Variants in SLC7A2 observed in about 807,000 individuals in gnomAD.
The protein encoded by SLC7A2 is solute carrier family 7 member 2.
SLC7A2 carries 48 observed loss-of-function variants against 58.9 expected under a neutral mutation model. The ratio of observed to expected loss-of-function variants is 0.82; its 90% CI spans 0.65 to 1.04. SLC7A2 has a LOEUF of 1.04. SLC7A2 is among the 50% of genes least tolerant of loss of function. The pLI is 0.00. For missense variants in SLC7A2, 1,029 were observed against 818.8 expected (o/e 1.26, Z -3.13); for synonymous variants, 363 against 314.5 (o/e 1.15, Z -1.63).
chr8:17,502,562 C>T (rs948648638), intron 2 of SLC7A2, among the ~76,000 whole-genome samples: 6 of 152,188 alleles, frequency 3.9e-5, no homozygotes, highest in Non-Finnish European at 5.9e-5. Context: ...CATGAAGTTA[C>T]GGAGTTGAGT....
intron 1 of SLC7A2, chr8:17,499,869 A>C (rs1800085990): frequency 6.6e-6 from 1 of 152,182 alleles, no homozygotes; most frequent in Admixed American, 6.5e-5. Flanking sequence ...TGTTCTTGTC[A>C]TTGTCTTCCA....
chr8:17,533,306 C>G (rs951268163), intron 2 of SLC7A2, among the ~76,000 whole-genome samples: 3 of 152,146 alleles, frequency 2.0e-5, no homozygotes, highest in African/African-American at 7.2e-5. Flanking sequence ...TTTCAGAATT[C>G]AAAATATAGT....
intron 2 of SLC7A2, among the ~76,000 whole-genome samples, chr8:17,540,549 T>C (rs1349222783): frequency 6.6e-6 from 1 of 151,872 alleles, no homozygotes; most frequent in Non-Finnish European, 1.5e-5. Flanking sequence ...AGAAATCATA[T>C]CTTATGTGAT....
intron 2 of SLC7A2, among the ~76,000 whole-genome samples, chr8:17,540,184 G>T (rs1801850263): frequency 6.6e-6 from 1 of 152,072 alleles, no homozygotes; most frequent in Non-Finnish European, 1.5e-5. Context: ...TCATTAAATT[G>T]ACCCAATATG....
chr8:17,508,369 T>C (rs1366721424), intron 2 of SLC7A2, among the ~76,000 whole-genome samples: 1 of 152,198 alleles, frequency 6.6e-6, no homozygotes, highest in Non-Finnish European at 1.5e-5. Context: ...TGTAAAATAT[T>C]TTTGTATTCT....
chr8:17,547,643 T>C (rs1203249463), intron 4 of SLC7A2, among the ~76,000 whole-genome samples: 2 of 152,250 alleles, frequency 1.3e-5, no homozygotes, highest in Non-Finnish European at 2.9e-5. Flanking sequence ...AGAATTATTA[T>C]GTCAGTGCTA....
At chr8:17,535,729 C>A (rs1218741506) in intron 2 of SLC7A2, among the ~76,000 whole-genome samples, 3 of 152,030 alleles carry the variant, frequency 2.0e-5, no homozygotes, top group African/African-American at 4.8e-5. Flanking sequence ...ATGGTGAAAC[C>A]CTGTCTCTAC....
At chr8:17,562,419 G>A (rs1803060755) in intron 11 of SLC7A2, among the ~76,000 whole-genome samples, 1 of 151,834 alleles carries the variant, frequency 6.6e-6, no homozygotes, top group Admixed American at 6.6e-5. Context: ...TAGCCAGGAT[G>A]GTCTCGAACT....
At chr8:17,513,804 C>A (rs1032313822) in intron 2 of SLC7A2, among the ~76,000 whole-genome samples, 1 of 152,138 alleles carries the variant, frequency 6.6e-6, no homozygotes, top group African/African-American at 2.4e-5. Context: ...CTTACAACAG[C>A]GCTAAGAGGG....
At chr8:17,520,230 T>C (rs1563444634) in intron 2 of SLC7A2, among the ~76,000 whole-genome samples, 1 of 152,194 alleles carries the variant, frequency 6.6e-6, no homozygotes, top group Non-Finnish European at 1.5e-5. Context: ...TTGTGACATA[T>C]GTTCCAACTA....
Position 17,554,576 on chromosome 8 carries a change from T to C in SLC7A2, c.1072T>C (p.Phe358Leu), listed in dbSNP as rs949374531. The C allele has an allele frequency of 3.1e-6, 5 of 1,604,624 alleles. No individual in the cohort carries two copies. Among genetic ancestry groups the C allele is most frequent in the African/African-American group, 2.7e-5 (2 of 74,652 alleles). ...TTTATTCAGTCTTCTTGGATCCATT[T>C]TCCCAATGCCTCGTGTAATCTATGC... ...ALSTSLLGSI[F>L]PMPRVIYAMA... The change falls in exon 8 of 13, where the codon TTC (phenylalanine) becomes CTC (leucine). Residue 358 changes from phenylalanine to leucine, a missense_variant. Phe to Leu is a conservative substitution (Grantham distance 22, BLOSUM62 0). Coordinates refer to ENST00000494857, the MANE Select transcript of SLC7A2 (RefSeq NM_001370338.1).
chr8:17,497,549 C>T (rs1009074231), intron 1 of SLC7A2, among the ~76,000 whole-genome samples: 3 of 152,180 alleles, frequency 2.0e-5, no homozygotes, highest in Non-Finnish European at 4.4e-5. Context: ...ACTTCGGGGA[C>T]CGCTGGAACT....
upstream of SLC7A2, among the ~76,000 whole-genome samples, chr8:17,494,286 T>C (rs550164904): frequency 6.6e-5 from 10 of 152,316 alleles, no homozygotes; most frequent in South Asian, 2.1e-3. Context: ...TTTATTCAGC[T>C]ACAAAAGTCC....
intron 4 of SLC7A2, among the ~76,000 whole-genome samples, chr8:17,545,021 T>G (rs1006417782): frequency 6.6e-6 from 1 of 152,254 alleles, no homozygotes; most frequent in Non-Finnish European, 1.5e-5. Context: ...TGGCTTCATC[T>G]ATATAATGTA....
At chr8:17,556,039 C>G (rs1465697016) in intron 8 of SLC7A2, among the ~76,000 whole-genome samples, 1 of 152,054 alleles carries the variant, frequency 6.6e-6, no homozygotes, top group African/African-American at 2.4e-5. Context: ...TTTTCAGGGT[C>G]AGAATGTATT....
Position 17,551,761 on chromosome 8 carries a change from T to C in SLC7A2, c.833-3T>C, listed in dbSNP as rs565650634. ...TACACATCTTTTGTTTATATTTCCT[T>C]AGGTGAAGAAGTTCGGAATCCCCAG... On this transcript the variant is annotated splice_polypyrimidine_tract_variant and splice_region_variant and intron_variant, in intron 6 of 12. Coordinates refer to ENST00000494857, the MANE Select transcript of SLC7A2 (RefSeq NM_001370338.1). 2 of 1,607,688 alleles carry C rather than the reference T, an allele frequency of 1.2e-6. No individual in the cohort carries two copies. Among genetic ancestry groups the C allele is most frequent in the Admixed American group, 1.7e-5 (1 of 60,006 alleles).
chr8:17,554,815 T>A, intron 8 of SLC7A2, 116 bp downstream of exon 8: 1 of 1,447,124 alleles, frequency 6.9e-7, no homozygotes, highest in South Asian at 1.4e-5. Context: ...TTCAGTCACT[T>A]TTTTGTGAGT....
rs1011302772 is a variant in SLC7A2, at chr8:17,531,219, C to T, written c.-22-12099C>T. Among the ~76,000 whole-genome samples the T allele has an allele frequency of 4.6e-5, 7 of 152,088 alleles. No homozygotes were observed. In the East Asian group the frequency reaches 9.6e-4, roughly 21 times the overall value. ...CCTCTTTATAAAGAAGCAGCAAGAG[C>T]GGGGAGGAAGGGAGTTTCTCTCTCT... On this transcript the variant is annotated intron_variant, in intron 2 of 12. Coordinates refer to ENST00000494857, the MANE Select transcript of SLC7A2 (RefSeq NM_001370338.1).
upstream of SLC7A2, among the ~76,000 whole-genome samples, chr8:17,496,539 A>G (rs1799962514): frequency 6.6e-6 from 1 of 152,152 alleles, no homozygotes; most frequent in Non-Finnish European, 1.5e-5. Context: ...CATTTCCTAT[A>G]AACCCACCCC....
Sources: gnomAD v4.1 joint callset for allele counts (sites outside exome capture counted in the v4.1 genomes callset) on GRCh38, gnomAD v4.1.1 for gene constraint, MANE v1.5 for transcripts, NCBI Gene and HGNC (gene_info 2026-07-23, HGNC 2026-07-21) for gene names.